Variants in ICAM2 observed in about 807,000 individuals in gnomAD.
ICAM2 encodes ICAM-2.
ICAM2 carries 14 observed loss-of-function variants against 19.1 expected under a neutral mutation model. The ratio of observed to expected loss-of-function variants is 0.73; its 90% CI spans 0.48 to 1.15. The LOEUF (loss-of-function observed/expected upper bound fraction) is 1.15. Ranked by LOEUF, ICAM2 falls within the 50% of genes most tolerant of loss-of-function variation. ICAM2 has a pLI of 0.00. For missense variants in ICAM2, 311 were observed against 355.4 expected, an observed-to-expected ratio of 0.88 and a Z score of 1.00; for synonymous variants, 153 against 152.7, an observed-to-expected ratio of 1.00 and a Z score of -0.01.
At chr17:64,004,437 C>T (rs77001647) in intron 3 of ICAM2, 341 of 170,602 alleles carry the variant, frequency 2.0e-3, no homozygotes, top group African/African-American at 7.7e-3. Context: ...ATGGCCACCA[C>T]GATTCCTCAC....
chr17:64,018,027 A>G (rs1391952687), intron 1 of ICAM2, among the ~76,000 whole-genome samples: 1 of 152,220 alleles, frequency 6.6e-6, no homozygotes, highest in Non-Finnish European at 1.5e-5. Flanking sequence ...CATAAAATCA[A>G]CAATTGGTAT....
At chr17:64,012,933 C>G (rs1470489710) in intron 1 of ICAM2, among the ~76,000 whole-genome samples, 2 of 151,998 alleles carry the variant, frequency 1.3e-5, no homozygotes, top group East Asian at 3.9e-4. Context: ...CAAGGAAAAC[C>G]AGTAGAGATA....
rs767395004 is a variant in ICAM2 at position 64,002,895 on chromosome 17, A to T, written c.680T>A (p.Ile227Lys). Residue 227 changes from isoleucine to lysine, a missense_variant, in exon 5 of 5, where the codon ATA (isoleucine) becomes AAA (lysine). Physicochemically the swap from Ile to Lys is moderately radical, Grantham distance 102 (BLOSUM62 -3). Coordinates refer to ENST00000579788, the MANE Select transcript of ICAM2 (RefSeq NM_001099789.2). ...EPVSDSQMVI[I>K]VTVVSVLLSL... ...CAGCAACACCGACACCACCGTGACTATGATGACCATCTGGCTGTCCGACAC... is the reference window on the plus strand; with the variant it reads ...CAGCAACACCGACACCACCGTGACTTTGATGACCATCTGGCTGTCCGACAC... 36 of 1,613,710 alleles carry T rather than the reference A, an allele frequency of 2.2e-5. No individual in the cohort carries two copies. The highest frequency in any genetic ancestry group is 2.9e-5 in the Non-Finnish European group (34 of 1,179,918).
chr17:64,015,440 G>A (rs180673934), intron 1 of ICAM2, among the ~76,000 whole-genome samples: 3 of 152,124 alleles, frequency 2.0e-5, no homozygotes, highest in African/African-American at 2.4e-5. Context: ...AATCAGGGCC[G>A]GGCATAGTGG....
Position 64,003,651 on chromosome 17 carries a change from C to T in ICAM2, c.642G>A (p.Glu214=). The T allele has an allele frequency of 6.2e-7, 1 of 1,612,862 alleles. No homozygotes were observed. Among genetic ancestry groups the T allele is most frequent in the Non-Finnish European group, 8.5e-7 (1 of 1,179,270 alleles). ...CCACGGATCCCCCCTCACCATAGAT[C>T]TCCAACATCTTCGGGGCTGAGTGTT... ...FHKHSAPKML[E]IYEPVSDSQM... The change falls in exon 4 of 5, where the codon GAG becomes GAA. Residue 214 remains glutamate, a synonymous_variant. Coordinates refer to ENST00000579788, the MANE Select transcript of ICAM2 (RefSeq NM_001099789.2).
chr17:64,014,219 A>G (rs1911562406), intron 1 of ICAM2, among the ~76,000 whole-genome samples: 1 of 151,622 alleles, frequency 6.6e-6, no homozygotes, highest in African/African-American at 2.4e-5. Context: ...CATGCCTGTA[A>G]TTCCAGCACT....
rs372611066 is a variant in ICAM2, at chr17:64,003,695, C to T, written c.598G>A (p.Gly200Ser). The stretch of plus-strand genomic sequence containing the variant: ...GAGTGTTTGTGAAAGATGTTGCCAC[C>T]GCGAGACATCAAGTCCAGCACAGCC... ...CLAVLDLMSR[G>S]GNIFHKHSAP... Residue 200 changes from glycine (G) to serine (S), a missense_variant, in exon 4 of 5, where the codon GGT (glycine) becomes AGT (serine). By Grantham distance (56) the Gly-to-Ser change is moderately conservative. Coordinates refer to ENST00000579788, the MANE Select transcript of ICAM2 (RefSeq NM_001099789.2). The T allele has an allele frequency of 2.5e-5, 40 of 1,614,028 alleles. No homozygotes were observed. The highest frequency in any genetic ancestry group is 8.0e-5 in the African/African-American group (6 of 74,936).
chr17:64,014,028 C>T (rs1021588309), intron 1 of ICAM2, among the ~76,000 whole-genome samples: 1 of 151,988 alleles, frequency 6.6e-6, no homozygotes, highest in South Asian at 2.1e-4. Context: ...AGTTTAAAAA[C>T]ATAATCTAAT....
At chr17:64,018,963 T>G (rs1911833520) in intron 1 of ICAM2, among the ~76,000 whole-genome samples, 1 of 152,008 alleles carries the variant, frequency 6.6e-6, no homozygotes. Context: ...CTCATGATCC[T>G]CCTGCCTTGG....
intron 1 of ICAM2, among the ~76,000 whole-genome samples, chr17:64,015,899 T>G (rs1260898565): frequency 6.6e-6 from 1 of 152,158 alleles, no homozygotes; most frequent in Non-Finnish European, 1.5e-5. Context: ...GGAGTTTTGC[T>G]GTATTGCCCA....
At chr17:64,011,074 T>C (rs1351146661) in intron 1 of ICAM2, among the ~76,000 whole-genome samples, 3 of 152,184 alleles carry the variant, frequency 2.0e-5, no homozygotes, top group African/African-American at 4.8e-5. Context: ...TCTTGGACTT[T>C]ATTTAATGCC....
intron 3 of ICAM2, 136 bp downstream of exon 3, chr17:64,004,971 G>A (rs1422754948): frequency 9.8e-7 from 1 of 1,016,058 alleles, no homozygotes; most frequent in South Asian, 1.4e-5. Flanking sequence ...CCTGCCCCTT[G>A]TCACCCCAGG....
intron 1 of ICAM2, among the ~76,000 whole-genome samples, chr17:64,009,588 C>A (rs1486239945): frequency 6.6e-6 from 1 of 152,174 alleles, no homozygotes; most frequent in East Asian, 1.9e-4. Context: ...GCTAGGATTA[C>A]AGGTGCCCAC....
intron 1 of ICAM2, among the ~76,000 whole-genome samples, chr17:64,014,601 AAGGG>A (rs150793498): frequency 0.29 from 39,102 of 134,152 alleles, 6,526 homozygotes; most frequent in Admixed American, 0.39. Context: ...GAAAGAAAGA[AAGGG>A]AGGGAGGGAG....
At chr17:64,003,390 G>T in intron 4 of ICAM2, 1 of 534,694 alleles carries the variant, frequency 1.9e-6, no homozygotes, top group Non-Finnish European at 3.3e-6. Context: ...GCCAAGGCCA[G>T]GGAGAGCCGT....
chr17:64,008,412 TAATAAC>T, intron 1 of ICAM2, among the ~76,000 whole-genome samples: 1 of 152,172 alleles, frequency 6.6e-6, no homozygotes, highest in East Asian at 1.9e-4. Context: ...GTCAGAATAA[TAATAAC>T]AATAACAACA....
Position 64,019,817 on chromosome 17 carries a change from CAAAA to C in ICAM2, c.-45+702_-45+705del, listed in dbSNP as rs11342409. ...GGCGACAAGAATGAAAACTCTGTCT[CAAAA>C]AAAAAAAAAAAAAAAAAAAGCAGAT... is the stretch of plus-strand genomic sequence containing the variant. On this transcript the variant is annotated intron_variant, in intron 1 of 4. Transcript: ENST00000579788. Among the ~76,000 whole-genome samples, 199 of 53,832 alleles carry C rather than the reference CAAAA, an allele frequency of 3.7e-3. 1 individual carries two copies. Among genetic ancestry groups the C allele is most frequent in the African/African-American group, 0.012 (196 of 16,190 alleles). The allele number at this position is 53,832 out of a possible 152,430, so 35.3% of individuals were successfully genotyped here.
At chr17:64,012,106 C>T (rs1321791071) in intron 1 of ICAM2, among the ~76,000 whole-genome samples, 1 of 152,192 alleles carries the variant, frequency 6.6e-6, no homozygotes, top group African/African-American at 2.4e-5. Flanking sequence ...GAAATCCTGT[C>T]ATTTTTGACA....
At chr17:64,011,264 C>A (rs932486634) in intron 1 of ICAM2, among the ~76,000 whole-genome samples, 3 of 152,096 alleles carry the variant, frequency 2.0e-5, no homozygotes, top group African/African-American at 7.2e-5. Flanking sequence ...AGATGGAGAC[C>A]ATCCTGGCTA....
Sources: allele counts gnomAD v4.1 joint callset (sites outside exome capture counted in the v4.1 genomes callset), GRCh38; gene constraint gnomAD v4.1.1; transcripts MANE v1.5; gene names NCBI Gene and HGNC (gene_info 2026-07-23, HGNC 2026-07-21).